The following GPC6 variants were observed in gnomAD, a reference collection of about 807,000 sequenced individuals.
The protein encoded by GPC6 is glypican 6, also known as glypican-6.
GPC6 carries 14 observed loss-of-function variants against 55.2 expected under a neutral mutation model. The ratio of observed to expected loss-of-function variants is 0.25; its 90% CI spans 0.17 to 0.40. The LOEUF (loss-of-function observed/expected upper bound fraction) is 0.40. GPC6 is among the 10% of genes least tolerant of loss of function. The probability of loss-of-function intolerance (pLI) is 1.00; values close to 1 mark genes in which losing one functional copy is unlikely to be tolerated. For missense variants in GPC6, 641 were observed against 708.5 expected (o/e 0.90, Z 1.08); for synonymous variants, 278 against 259.6 (o/e 1.07, Z -0.68).
At chr13:94,245,243 A>G (rs1891162698) in intron 4 of GPC6, among the ~76,000 whole-genome samples, 2 of 151,696 alleles carry the variant, frequency 1.3e-5, no homozygotes, top group South Asian at 2.1e-4. Context: ...TCATTTATTT[A>G]TTTTTTAGAT....
At chr13:94,121,783 G>A (rs1033711689) in intron 4 of GPC6, among the ~76,000 whole-genome samples, 9 of 152,044 alleles carry the variant, frequency 5.9e-5, no homozygotes, top group Non-Finnish European at 1.2e-4. Context: ...AAATAGAGCT[G>A]TACATTGCAC....
chr13:93,358,354 A>T (rs953390081), intron 1 of GPC6, among the ~76,000 whole-genome samples: 1 of 152,162 alleles, frequency 6.6e-6, no homozygotes, highest in African/African-American at 2.4e-5. Context: ...ACAAAAAAAA[A>T]TGGTTAACAT....
chr13:93,927,204 A>G (rs1423429140), intron 3 of GPC6, among the ~76,000 whole-genome samples: 1 of 152,212 alleles, frequency 6.6e-6, no homozygotes, highest in Non-Finnish European at 1.5e-5. Flanking sequence ...GTCTGTGGAG[A>G]CGAGGAGAGA....
At chr13:94,161,449 C>T (rs1888159655) in intron 4 of GPC6, among the ~76,000 whole-genome samples, 1 of 152,162 alleles carries the variant, frequency 6.6e-6, no homozygotes, top group Admixed American at 6.5e-5. Flanking sequence ...GTTAAGGTTT[C>T]TAATGTGCTG....
chr13:93,587,030 C>T (rs1417424099), intron 2 of GPC6, among the ~76,000 whole-genome samples: 1 of 152,048 alleles, frequency 6.6e-6, no homozygotes, highest in South Asian at 2.1e-4. Context: ...TGGTTTTTAG[C>T]CTGTATCCCT....
chr13:93,806,238 T>C (rs1023797906), intron 2 of GPC6, among the ~76,000 whole-genome samples: 1 of 152,140 alleles, frequency 6.6e-6, no homozygotes, highest in East Asian at 1.9e-4. Context: ...ATTTGGAGAG[T>C]ATGTTCATGG....
rs79142976 is a variant in GPC6 at position 94,370,422 on chromosome 13, A to G, written c.1153-11992A>G. On this transcript the variant is annotated intron_variant, in intron 6 of 8. Coordinates refer to ENST00000377047, the MANE Select transcript of GPC6 (RefSeq NM_005708.5). Reference sequence around the variant, plus strand: ...TGTTACCCCTACTAGGCAGTGCTACAAACCCTTCAAGGATAGAGACTGTGT... The same window carrying G: ...TGTTACCCCTACTAGGCAGTGCTACGAACCCTTCAAGGATAGAGACTGTGT... Among the ~76,000 whole-genome samples, 5 of 152,342 alleles carry G rather than the reference A, an allele frequency of 3.3e-5. No homozygotes were observed. In the East Asian group the frequency reaches 9.6e-4, roughly 29 times the overall value.
chr13:93,328,822 G>A (rs1879744215), intron 1 of GPC6, among the ~76,000 whole-genome samples: 1 of 152,088 alleles, frequency 6.6e-6, no homozygotes, highest in Non-Finnish European at 1.5e-5. Flanking sequence ...TAGTATTATA[G>A]AAGGACTGTG....
chr13:93,271,239 C>T (rs956964055), intron 1 of GPC6, among the ~76,000 whole-genome samples: 4 of 152,084 alleles, frequency 2.6e-5, no homozygotes, highest in African/African-American at 4.8e-5. Context: ...TGTAGACCTC[C>T]TATCTCTTGA....
chr13:93,979,307 GTGTGTGTGTGTT>G (rs1004311619), intron 3 of GPC6, among the ~76,000 whole-genome samples: 2 of 149,952 alleles, frequency 1.3e-5, no homozygotes, highest in African/African-American at 4.9e-5. Flanking sequence ...GTGTGTGTGT[GTGTGTGTGTGTT>G]TGTGTGTGTT....
intron 1 of GPC6, among the ~76,000 whole-genome samples, chr13:93,360,470 T>G (rs12427984): frequency 0.074 from 11,243 of 152,166 alleles, 491 homozygotes; most frequent in East Asian, 0.12. Flanking sequence ...GTCATTTTAC[T>G]GTAGCCCAAA....
At chr13:94,161,179 C>T (rs539260793) in intron 4 of GPC6, among the ~76,000 whole-genome samples, 22 of 152,270 alleles carry the variant, frequency 1.4e-4, no homozygotes, top group African/African-American at 3.1e-4. Context: ...TACTCTTGCA[C>T]GCATAAGGCT....
At chr13:93,568,056 G>A (rs1876224483) in intron 2 of GPC6, among the ~76,000 whole-genome samples, 1 of 152,134 alleles carries the variant, frequency 6.6e-6, no homozygotes, top group Non-Finnish European at 1.5e-5. Context: ...TCAGCATAAG[G>A]ACAATGGAAA....
At chr13:93,377,241 A>G (rs1386324972) in intron 1 of GPC6, among the ~76,000 whole-genome samples, 2 of 152,234 alleles carry the variant, frequency 1.3e-5, no homozygotes, top group Non-Finnish European at 2.9e-5. Flanking sequence ...TGAATCTCCC[A>G]TGATGTCCTA....
intron 1 of GPC6, among the ~76,000 whole-genome samples, chr13:93,386,921 GTCT>G (rs1281451921): frequency 6.6e-6 from 1 of 152,068 alleles, no homozygotes; most frequent in Non-Finnish European, 1.5e-5. Context: ...CCTTCCGTGT[GTCT>G]TCTTCTGTCC....
At chr13:93,295,928 G>A (rs560952821) in intron 1 of GPC6, among the ~76,000 whole-genome samples, 38 of 152,114 alleles carry the variant, frequency 2.5e-4, no homozygotes, top group African/African-American at 8.0e-4. Context: ...GGCCAGGCTC[G>A]TCTTGAACTC....
chr13:94,187,199 G>C (rs1889227517), intron 4 of GPC6: 1 of 152,122 alleles, frequency 6.6e-6, no homozygotes, highest in Admixed American at 6.5e-5. Flanking sequence ...CTCAAAAGAA[G>C]GCTTGGAGCA....
intron 4 of GPC6, among the ~76,000 whole-genome samples, chr13:94,151,286 TA>T (rs1474651843): frequency 6.6e-6 from 1 of 152,176 alleles, no homozygotes; most frequent in Non-Finnish European, 1.5e-5. Flanking sequence ...AAAGCTGAAA[TA>T]ATTGGATGAG....
intron 1 of GPC6, among the ~76,000 whole-genome samples, chr13:93,309,622 G>A (rs1338016791): frequency 6.6e-6 from 1 of 152,040 alleles, no homozygotes; most frequent in Non-Finnish European, 1.5e-5. Flanking sequence ...CATACAGCAA[G>A]TATATTAACT....
Sources: gnomAD v4.1 joint callset for allele counts (sites outside exome capture counted in the v4.1 genomes callset) on GRCh38, gnomAD v4.1.1 for gene constraint, MANE v1.5 for transcripts, NCBI Gene and HGNC (gene_info 2026-07-23, HGNC 2026-07-21) for gene names.